The following PACRG variants were observed in gnomAD, a reference collection of about 807,000 sequenced individuals.
PACRG encodes parkin coregulated gene protein.
A neutral mutation model predicts 29.7 loss-of-function variants in PACRG; 29 were observed. The observed-to-expected ratio is 0.98, with a 90% CI of 0.73 to 1.33. The LOEUF (loss-of-function observed/expected upper bound fraction) is 1.33. Among genes scored for constraint, PACRG ranks in the 40% most tolerant of loss-of-function variants. PACRG has a pLI of 0.00. For synonymous variants in PACRG, 116 were observed against 118.7 expected, an observed-to-expected ratio of 0.98 and a Z score of 0.15; for missense variants, 279 against 316.2, an observed-to-expected ratio of 0.88 and a Z score of 0.89.
chr6:162,995,841 A>G (rs1803989196), intron 2 of PACRG, among the ~76,000 whole-genome samples: 1 of 152,190 alleles, frequency 6.6e-6, no homozygotes, highest in Non-Finnish European at 1.5e-5. Context: ...CCATTTGTTG[A>G]AAGACATTTA....
In PACRG at chr6:163,274,861, C is replaced by CTTTTTTTTTT. The variant is rs58333018; in HGVS notation, c.614-39959_614-39950dup. Among the ~76,000 whole-genome samples the CTTTTTTTTTT allele has an allele frequency of 4.5e-4, 57 of 126,300 alleles. 1 individual carries two copies. Among genetic ancestry groups the CTTTTTTTTTT allele is most frequent in the South Asian group, 5.0e-4 (2 of 3,962 alleles). The allele number at this position is 126,300 out of a possible 152,430, so 82.9% of individuals were successfully genotyped here. A position where few individuals can be genotyped will look rare whatever the true frequency, so the allele number is the denominator to read the frequency against. On this transcript the variant is annotated intron_variant, in intron 4 of 4. Coordinates refer to ENST00000366888, the MANE Select transcript of PACRG (RefSeq NM_001080379.2). ...TTCTTTTTCTTTTCTTTCTTTCTTTCTTTTTTTTTTTTTTTTGAGATAGAG... is the reference window on the plus strand; with the variant it reads ...TTCTTTTTCTTTTCTTTCTTTCTTTCTTTTTTTTTTTTTTTTTTTTTTTTTTGAGATAGAG...
intron 2 of PACRG, among the ~76,000 whole-genome samples, chr6:162,846,389 C>T (rs1385657983): frequency 6.6e-6 from 1 of 152,176 alleles, no homozygotes; most frequent in Non-Finnish European, 1.5e-5. Flanking sequence ...CTTTAGTGCA[C>T]CTATGCACCT....
intron 2 of PACRG, among the ~76,000 whole-genome samples, chr6:162,963,678 C>G (rs1354466548): frequency 6.7e-6 from 1 of 150,154 alleles, no homozygotes; most frequent in Admixed American, 6.6e-5. Flanking sequence ...ATACATTTTA[C>G]ATATACTTTT....
chr6:163,017,944 C>T (rs963546289), intron 2 of PACRG, among the ~76,000 whole-genome samples: 1 of 152,036 alleles, frequency 6.6e-6, no homozygotes, highest in Non-Finnish European at 1.5e-5. Context: ...AATTCAGGCA[C>T]CTTCCCATGA....
chr6:163,294,011 A>C (rs1402658175), intron 4 of PACRG, among the ~76,000 whole-genome samples: 1 of 152,262 alleles, frequency 6.6e-6, no homozygotes, highest in South Asian at 2.1e-4. Context: ...TAGCTCCAAT[A>C]GCAATTACAG....
chr6:162,918,774 A>G (rs1166869614), intron 2 of PACRG, among the ~76,000 whole-genome samples: 3 of 152,228 alleles, frequency 2.0e-5, no homozygotes, highest in African/African-American at 7.2e-5. Flanking sequence ...TTGGCCAATG[A>G]CTTAGGAAGT....
At chr6:162,983,876 T>C (rs1305317769) in intron 2 of PACRG, among the ~76,000 whole-genome samples, 1 of 152,054 alleles carries the variant, frequency 6.6e-6, no homozygotes, top group Non-Finnish European at 1.5e-5. Context: ...AAGGAAGGTT[T>C]TCTTAATTGT....
chr6:162,859,258 CA>C (rs1424109934), intron 2 of PACRG, among the ~76,000 whole-genome samples: 1 of 152,084 alleles, frequency 6.6e-6, no homozygotes, highest in Non-Finnish European at 1.5e-5. Context: ...AAGAAATGTA[CA>C]ATGATAAAAA....
At chr6:162,844,590 C>T (rs1052453710) in intron 2 of PACRG, among the ~76,000 whole-genome samples, 7 of 152,246 alleles carry the variant, frequency 4.6e-5, no homozygotes, top group Non-Finnish European at 7.3e-5. Flanking sequence ...TAGACCGGAG[C>T]TGTTCCTATT....
At chr6:163,307,738 T>C (rs1330305095) in intron 4 of PACRG, among the ~76,000 whole-genome samples, 1 of 152,086 alleles carries the variant, frequency 6.6e-6, no homozygotes, top group Non-Finnish European at 1.5e-5. Context: ...ATAGCAAAGC[T>C]AAAAAAATAG....
intron 4 of PACRG, among the ~76,000 whole-genome samples, chr6:163,215,153 G>A (rs1781312936): frequency 6.6e-6 from 1 of 150,704 alleles, no homozygotes; most frequent in Non-Finnish European, 1.5e-5. Context: ...AAATTTCTTT[G>A]GTAATTATGT....
intron 4 of PACRG, among the ~76,000 whole-genome samples, chr6:163,178,031 G>C (rs1191585403): frequency 1.3e-5 from 2 of 152,102 alleles, no homozygotes; most frequent in African/African-American, 2.4e-5. Context: ...AGAACAAGGA[G>C]TGTTCCCACT....
At chr6:162,938,977 C>A (rs1230749931) in intron 2 of PACRG, among the ~76,000 whole-genome samples, 1 of 152,048 alleles carries the variant, frequency 6.6e-6, no homozygotes, top group Non-Finnish European at 1.5e-5. Context: ...CTGACTGTTC[C>A]TTTTGCCGTG....
At chr6:163,069,521 T>C (rs1031224380) in intron 3 of PACRG, among the ~76,000 whole-genome samples, 3 of 152,054 alleles carry the variant, frequency 2.0e-5, no homozygotes, top group African/African-American at 7.2e-5. Context: ...TACTGAAGAA[T>C]GCATCAGAGT....
intron 2 of PACRG, among the ~76,000 whole-genome samples, chr6:162,894,831 A>C (rs1795043683): frequency 6.6e-6 from 1 of 152,188 alleles, no homozygotes. Flanking sequence ...AGAATCAGAA[A>C]TGTAACAACG....
chr6:162,836,292 G>A (rs548124376), intron 2 of PACRG, among the ~76,000 whole-genome samples: 51 of 152,028 alleles, frequency 3.4e-4, no homozygotes, highest in African/African-American at 1.2e-3. Flanking sequence ...ATTGGGTTAT[G>A]TTTTCACATC....
chr6:163,215,634 A>G (rs534993261), intron 4 of PACRG, among the ~76,000 whole-genome samples: 1 of 152,336 alleles, frequency 6.6e-6, no homozygotes, highest in South Asian at 2.1e-4. Context: ...TTTATGAGCA[A>G]TCTGGGCTGG....
intron 4 of PACRG, among the ~76,000 whole-genome samples, chr6:163,268,835 G>T (rs535625868): frequency 5.9e-5 from 9 of 152,128 alleles, no homozygotes; most frequent in Non-Finnish European, 1.3e-4. Flanking sequence ...TTCTTGCTCT[G>T]TGTTTCTCCT....
chr6:163,231,550 G>T (rs1209329613), intron 4 of PACRG, among the ~76,000 whole-genome samples: 1 of 152,122 alleles, frequency 6.6e-6, no homozygotes, highest in Non-Finnish European at 1.5e-5. Context: ...CAGCAACTTT[G>T]CAGGTCTTCA....
Sources: allele counts gnomAD v4.1 joint callset (sites outside exome capture counted in the v4.1 genomes callset), GRCh38; gene constraint gnomAD v4.1.1; transcripts MANE v1.5; gene names NCBI Gene and HGNC (gene_info 2026-07-23, HGNC 2026-07-21).